MTR: variants seen among roughly 807,000 people sequenced by gnomAD.
MTR encodes 5-methyltetrahydrofolate-homocysteine methyltransferase.
A neutral mutation model predicts 154.8 loss-of-function variants in MTR; 84 were observed. That is an observed-to-expected ratio of 0.54 (90% CI 0.45 to 0.65). The LOEUF is 0.65. MTR is among the 30% of genes least tolerant of loss of function. The probability of loss-of-function intolerance (pLI) is 0.00; values close to 1 mark genes in which losing one functional copy is unlikely to be tolerated. For missense variants in MTR, 1,275 were observed against 1,570.2 expected, an observed-to-expected ratio of 0.81 and a Z score of 3.18; for synonymous variants, 554 against 553.9, an observed-to-expected ratio of 1.00 and a Z score of 0.00.
chr1:236,869,814 A>C (rs1665025263), intron 22 of MTR, among the ~76,000 whole-genome samples: 1 of 152,146 alleles, frequency 6.6e-6, no homozygotes, highest in African/African-American at 2.4e-5. Flanking sequence ...ATTCCTAGCT[A>C]GTTCAGGACT....
At position 236,822,312 on chromosome 1, in the gene MTR, G is replaced by T. The variant is rs200995838; in HGVS notation, c.765-1807G>T. On this transcript the variant is annotated intron_variant, in intron 8 of 32. Transcript: ENST00000366577. Reference sequence around the variant, plus strand: ...TAAATGGTTTTGTGGGGTTTTTTTTGTTTTTTTTTTTTTTTGAGACAGCAT... The same window carrying T: ...TAAATGGTTTTGTGGGGTTTTTTTTTTTTTTTTTTTTTTTTGAGACAGCAT... Among the ~76,000 whole-genome samples, 397 of 124,728 alleles carry T rather than the reference G, an allele frequency of 3.2e-3. 2 individuals carry two copies. Among genetic ancestry groups the T allele is most frequent in the Middle Eastern group, 0.013 (3 of 232 alleles). The allele number at this position is 124,728 out of a possible 152,430, so 81.8% of individuals were successfully genotyped here.
intron 15 of MTR, among the ~76,000 whole-genome samples, chr1:236,847,675 A>T (rs989448155): frequency 8.5e-5 from 13 of 152,346 alleles, no homozygotes; most frequent in African/African-American, 3.1e-4. Flanking sequence ...TATTAGCATC[A>T]CTAAGGGGCT....
chr1:236,810,451 A>T, intron 4 of MTR, 52 bp from the exon 5 acceptor site: 1 of 1,457,334 alleles, frequency 6.9e-7, no homozygotes, highest in East Asian at 2.3e-5. Flanking sequence ...CATTCACGAC[A>T]AAAAATGTTC....
intron 11 of MTR, among the ~76,000 whole-genome samples, chr1:236,827,781 A>G (rs993264804): frequency 1.1e-4 from 17 of 152,182 alleles, no homozygotes; most frequent in Non-Finnish European, 1.5e-5. Flanking sequence ...TTATAGGAAG[A>G]TTGGAATTCA....
Position 236,815,742 on chromosome 1 carries a change from T to C in MTR, c.669+79T>C, listed in dbSNP as rs935995422. 4 of 1,356,244 alleles carry C rather than the reference T, an allele frequency of 2.9e-6. No homozygotes were observed. In the African/African-American group the frequency reaches 4.3e-5, roughly 15 times the overall value. The allele number at this position is 1,356,244 out of a possible 1,614,324, so 84.0% of individuals were successfully genotyped here. On this transcript the variant is annotated intron_variant, in intron 7 of 32. Transcript: ENST00000366577. ...GAGCATGTTTTTCCCCCGCTTTGCATAGTAGAACTATTAATGGTATCTTTA... is the reference window on the plus strand; with the variant it reads ...GAGCATGTTTTTCCCCCGCTTTGCACAGTAGAACTATTAATGGTATCTTTA...
chr1:236,833,592 A>T (rs541511472), intron 13 of MTR, among the ~76,000 whole-genome samples: 12 of 152,312 alleles, frequency 7.9e-5, no homozygotes, highest in African/African-American at 2.9e-4. Flanking sequence ...TGGAAACAGT[A>T]GGAGGGGGCA....
intron 6 of MTR, among the ~76,000 whole-genome samples, chr1:236,813,240 G>T (rs1453382606): frequency 6.6e-6 from 1 of 152,042 alleles, no homozygotes; most frequent in Non-Finnish European, 1.5e-5. Context: ...CAGTTTGGGG[G>T]TCCTGACAGA....
rs559665690 is a variant in MTR, at chr1:236,827,097, T to A, written c.995+201T>A. 3.3e-5 allele frequency among the ~76,000 whole-genome samples: 5 copies of A among 152,226 alleles called. No individual in the cohort carries two copies. In the East Asian group the frequency reaches 9.7e-4, roughly 29 times the overall value. On this transcript the variant is annotated intron_variant, in intron 11 of 32. Coordinates refer to ENST00000366577, the MANE Select transcript of MTR (RefSeq NM_000254.3). ...CGACTAAGGTAAAATGTCATACAGG[T>A]GTACCTAATCCAACATGATTGGTGT...
At chr1:236,895,289 G>A in intron 30 of MTR, 69 bp from the exon 31 acceptor site, 2 of 1,506,614 alleles carry the variant, frequency 1.3e-6, no homozygotes, top group Admixed American at 3.9e-5. Flanking sequence ...TAATTCAGGG[G>A]GTGGAGGCTG....
At chr1:236,812,625 ATGCAT>A in intron 5 of MTR, 108 bp from the exon 6 acceptor site, 1 of 830,372 alleles carries the variant, frequency 1.2e-6, no homozygotes, top group Non-Finnish European at 2.1e-6. Flanking sequence ...TTCTTAAACT[ATGCAT>A]TGTAAACCAG....
chr1:236,862,397 T>C, intron 21 of MTR, 54 bp downstream of exon 21: 1 of 1,460,178 alleles, frequency 6.8e-7, no homozygotes, highest in Non-Finnish European at 9.6e-7. Flanking sequence ...CTGGAAGACT[T>C]GAGGTGGTGG....
intron 8 of MTR, among the ~76,000 whole-genome samples, chr1:236,819,128 G>T (rs1661771911): frequency 6.6e-6 from 1 of 152,110 alleles, no homozygotes; most frequent in African/African-American, 2.4e-5. Context: ...GAAGTCTGTA[G>T]TTTACCTTAG....
intron 14 of MTR, among the ~76,000 whole-genome samples, chr1:236,836,905 T>G (rs530636825): frequency 2.0e-5 from 3 of 152,302 alleles, no homozygotes; most frequent in Admixed American, 2.0e-4. Context: ...TGACCCTACT[T>G]TCCTCATCTC....
In MTR at chr1:236,889,237, G is replaced by T. The variant is rs2147932752; in HGVS notation, c.2908G>T (p.Val970Leu). 6.2e-7 allele frequency: 1 copy of T among 1,614,232 alleles called. No homozygotes were observed. Among genetic ancestry groups the T allele is most frequent in the East Asian group, 2.2e-5 (1 of 44,872 alleles). ...VFEDYDLQKL[V>L]DYIDWKPFFD... Reference sequence around the variant, plus strand: ...TGAAGACTATGACCTGCAGAAGCTGGTGGACTACATTGACTGGAAGCCTTT... The same window carrying T: ...TGAAGACTATGACCTGCAGAAGCTGTTGGACTACATTGACTGGAAGCCTTT... The change falls in exon 28 of 33, where the codon GTG becomes TTG. Residue 970 changes from valine (V) to leucine (L), a missense_variant. Coordinates refer to ENST00000366577, the MANE Select transcript of MTR (RefSeq NM_000254.3).
intron 8 of MTR, among the ~76,000 whole-genome samples, chr1:236,823,213 C>T (rs1326371909): frequency 6.6e-6 from 1 of 152,118 alleles, no homozygotes; most frequent in East Asian, 1.9e-4. Flanking sequence ...GAGTATCCCT[C>T]ATCTGAAATG....
intron 20 of MTR, among the ~76,000 whole-genome samples, 191 bp from the exon 21 acceptor site, chr1:236,862,045 T>C (rs970359684): frequency 1.3e-5 from 2 of 152,238 alleles, no homozygotes; most frequent in African/African-American, 4.8e-5. Flanking sequence ...TTCCTTCTGC[T>C]GTACCTTATT....
intron 15 of MTR, among the ~76,000 whole-genome samples, chr1:236,844,233 A>G (rs948332391): frequency 2.6e-5 from 4 of 152,184 alleles, no homozygotes; most frequent in African/African-American, 9.6e-5. Flanking sequence ...AGATAGATCA[A>G]GTGGGATGAG....
rs1364838182 is a variant in MTR, at chr1:236,874,851, G to GT, written c.2594+7dup. The stretch of plus-strand genomic sequence containing the variant: ...TGGAGGAGCAACCACTTCAAAGTAA[G>GT]TTATACTAATGAGCTTTGTCCTCAC... On this transcript the variant is annotated splice_donor_region_variant and intron_variant, in intron 24 of 32. Transcript: ENST00000366577. 1 of 1,613,568 alleles carries GT rather than the reference G, an allele frequency of 6.2e-7. No homozygotes were observed. Among genetic ancestry groups the GT allele is most frequent in the African/African-American group, 1.3e-5 (1 of 74,916 alleles).
intron 13 of MTR, among the ~76,000 whole-genome samples, chr1:236,835,223 C>T (rs750688912): frequency 1.3e-5 from 2 of 151,778 alleles, no homozygotes; most frequent in Non-Finnish European, 2.9e-5. Context: ...AGGCTCCAGT[C>T]GGGGTGGAAT....
Sources: allele counts gnomAD v4.1 joint callset (sites outside exome capture counted in the v4.1 genomes callset), GRCh38; gene constraint gnomAD v4.1.1; transcripts MANE v1.5; gene names NCBI Gene and HGNC (gene_info 2026-07-23, HGNC 2026-07-21).